The following RBFOX1 variants were observed in gnomAD, a reference collection of about 807,000 sequenced individuals.
RBFOX1 encodes RNA binding fox-1 homolog 1, also known as RNA binding protein fox-1 homolog 1.
Under a neutral mutation model 57.7 loss-of-function variants are expected in RBFOX1, and 8 were observed. That is an observed-to-expected ratio of 0.14 (90% CI 0.08 to 0.25). The LOEUF (loss-of-function observed/expected upper bound fraction) is 0.25, where lower values mean the gene tolerates loss of function less well. Among genes scored for constraint, RBFOX1 ranks in the 10% least tolerant of loss-of-function variants. RBFOX1 has a pLI of 1.00. For missense variants in RBFOX1, 611 were observed against 548.5 expected, an observed-to-expected ratio of 1.11 and a Z score of -1.14; for synonymous variants, 326 against 222.4, an observed-to-expected ratio of 1.47 and a Z score of -4.15.
intron 1 of RBFOX1, among the ~76,000 whole-genome samples, chr16:5,288,360 C>G (rs953990039): frequency 6.6e-6 from 1 of 152,172 alleles, no homozygotes; most frequent in Non-Finnish European, 1.5e-5. Flanking sequence ...GTTGGGGGCA[C>G]TCACTTGTTA....
chr16:7,394,415 T>G (rs1383977255), intron 4 of RBFOX1, among the ~76,000 whole-genome samples: 1 of 152,102 alleles, frequency 6.6e-6, no homozygotes, highest in Non-Finnish European at 1.5e-5. Flanking sequence ...CCTGAATCTC[T>G]TGCTTACCTC....
intron 4 of RBFOX1, among the ~76,000 whole-genome samples, chr16:5,957,122 C>T (rs1255893293): frequency 6.6e-6 from 1 of 152,124 alleles, no homozygotes; most frequent in East Asian, 1.9e-4. Context: ...AAATGTTTAC[C>T]AGCACACTGT....
chr16:7,143,656 G>A (rs1382231809), intron 4 of RBFOX1, among the ~76,000 whole-genome samples: 1 of 151,936 alleles, frequency 6.6e-6, no homozygotes, highest in Non-Finnish European at 1.5e-5. Flanking sequence ...CTGAAACCTG[G>A]GAGTTCAGCT....
chr16:5,765,995 A>G (rs542681851), intron 3 of RBFOX1, among the ~76,000 whole-genome samples: 3 of 152,296 alleles, frequency 2.0e-5, no homozygotes, highest in Admixed American at 1.3e-4. Flanking sequence ...TTGATTTACA[A>G]CACTGGAGAG....
chr16:5,517,175 C>G (rs911055824), intron 2 of RBFOX1, among the ~76,000 whole-genome samples: 1 of 152,154 alleles, frequency 6.6e-6, no homozygotes, highest in South Asian at 2.1e-4. Context: ...CTCCATTAGG[C>G]TAGCTCAAGT....
At chr16:7,700,797 C>A (rs894403357) in intron 14 of RBFOX1, among the ~76,000 whole-genome samples, 3 of 152,108 alleles carry the variant, frequency 2.0e-5, no homozygotes, top group Non-Finnish European at 4.4e-5. Context: ...TCCCTCAAAT[C>A]TGCTGTTGGG....
In RBFOX1 at chr16:5,598,943, G is replaced by GA. The variant is rs1178101557; in HGVS notation, c.302dup (p.Asn101LysfsTer9). 1.3e-6 allele frequency: 2 copies of GA among 1,533,760 alleles called. No homozygotes were observed. The highest frequency in any genetic ancestry group is 1.7e-6 in the Non-Finnish European group (2 of 1,145,100). ...ATTCAACCCTCCTCCCCGGTGCCAA[G>GA]AACAGCCTGCAAGACTCCGTAAGTA... On this transcript the variant is annotated frameshift_variant, in exon 3 of 3. Transcript: ENST00000585867. LOFTEE classifies it low-confidence loss of function (END_TRUNC).
At chr16:7,497,823 C>G (rs1417666857) in intron 4 of RBFOX1, among the ~76,000 whole-genome samples, 2 of 152,228 alleles carry the variant, frequency 1.3e-5, no homozygotes, top group African/African-American at 4.8e-5. Context: ...AAGCATTCTG[C>G]ATACTGGAGC....
intron 2 of RBFOX1, among the ~76,000 whole-genome samples, chr16:6,555,515 C>T (rs1469432254): frequency 6.6e-6 from 1 of 152,040 alleles, no homozygotes; most frequent in African/African-American, 2.4e-5. Flanking sequence ...CTGGCTAACA[C>T]AGTGAAACCC....
chr16:6,646,035 C>CTGCCT (rs1274152925), intron 2 of RBFOX1, among the ~76,000 whole-genome samples: 1 of 152,124 alleles, frequency 6.6e-6, no homozygotes, highest in African/African-American at 2.4e-5. Context: ...AGTAGAAGGG[C>CTGCCT]TGCCTTCTGT....
At chr16:5,597,510 C>G (rs2047225974) in intron 2 of RBFOX1, among the ~76,000 whole-genome samples, 1 of 151,152 alleles carries the variant, frequency 6.6e-6, no homozygotes, top group African/African-American at 2.4e-5. Context: ...AGCGATTCTC[C>G]TCCCTTAGCC....
intron 3 of RBFOX1, among the ~76,000 whole-genome samples, chr16:6,710,557 A>G (rs1024167332): frequency 8.5e-5 from 13 of 152,234 alleles, no homozygotes; most frequent in African/African-American, 2.9e-4. Flanking sequence ...CTAAAGGTGC[A>G]GGTCTGGCTG....
chr16:7,555,074 C>G (rs891801034), intron 5 of RBFOX1, among the ~76,000 whole-genome samples: 10 of 152,050 alleles, frequency 6.6e-5, no homozygotes, highest in African/African-American at 2.4e-4. Context: ...AGGGTATTTG[C>G]TATTGTTGTG....
intron 2 of RBFOX1, among the ~76,000 whole-genome samples, chr16:5,538,386 T>C (rs1238992345): frequency 1.3e-5 from 2 of 151,802 alleles, no homozygotes; most frequent in East Asian, 3.9e-4. Flanking sequence ...GGCATTGCCA[T>C]GGGACTATGC....
intron 2 of RBFOX1, among the ~76,000 whole-genome samples, chr16:6,486,223 C>T (rs942478118): frequency 2.0e-5 from 3 of 151,308 alleles, no homozygotes; most frequent in African/African-American, 7.3e-5. Flanking sequence ...GTACACACTC[C>T]TCATTGTTGT....
intron 3 of RBFOX1, among the ~76,000 whole-genome samples, chr16:5,809,525 A>C (rs1205748714): frequency 6.6e-6 from 1 of 152,238 alleles, no homozygotes; most frequent in Non-Finnish European, 1.5e-5. Context: ...ACATGAACAG[A>C]CACTTCTCAA....
intron 4 of RBFOX1, among the ~76,000 whole-genome samples, chr16:7,458,203 G>T (rs1483932992): frequency 1.3e-5 from 2 of 152,120 alleles, no homozygotes; most frequent in East Asian, 3.9e-4. Context: ...CAAAGACAGG[G>T]ACCTTGTCTC....
chr16:5,263,763 C>A (rs979386113), intron 1 of RBFOX1, among the ~76,000 whole-genome samples: 2 of 152,004 alleles, frequency 1.3e-5, no homozygotes, highest in African/African-American at 2.4e-5. Flanking sequence ...GCTCTGAAAC[C>A]CCTAGGGATG....
intron 2 of RBFOX1, among the ~76,000 whole-genome samples, chr16:6,556,776 C>T (rs974729203): frequency 7.2e-5 from 11 of 151,900 alleles, no homozygotes; most frequent in African/African-American, 2.4e-4. Context: ...TAGTAAATTT[C>T]TTATGACTTA....
Sources: gnomAD v4.1 joint callset for allele counts (sites outside exome capture counted in the v4.1 genomes callset) on GRCh38, gnomAD v4.1.1 for gene constraint, MANE v1.5 for transcripts, NCBI Gene and HGNC (gene_info 2026-07-23, HGNC 2026-07-21) for gene names.